ITPR1: variants seen among roughly 807,000 people sequenced by gnomAD.
ITPR1 encodes the protein inositol 1,4,5-trisphosphate receptor type 1.
Under a neutral mutation model 318.4 loss-of-function variants are expected in ITPR1, and 96 were observed. That is an observed-to-expected ratio of 0.30 (90% CI 0.26 to 0.36). The LOEUF is 0.36. Among genes scored for constraint, ITPR1 ranks in the 10% least tolerant of loss-of-function variants. The probability of loss-of-function intolerance (pLI) is 1.00; values close to 1 mark genes in which losing one functional copy is unlikely to be tolerated. For synonymous variants in ITPR1, 1,312 were observed against 1,289.9 expected (o/e 1.02, Z -0.37); for missense variants, 2,440 against 3,460.2 (o/e 0.71, Z 7.40).
intron 60 of ITPR1, among the ~76,000 whole-genome samples, chr3:4,827,694 T>A (rs1028678201): frequency 6.6e-6 from 1 of 152,112 alleles, no homozygotes; most frequent in Admixed American, 6.5e-5. Flanking sequence ...TAAGCAACAT[T>A]CAGAGTGCGG....
intron 60 of ITPR1, among the ~76,000 whole-genome samples, chr3:4,821,707 ACTT>A (rs1321368365): frequency 6.6e-6 from 1 of 152,188 alleles, no homozygotes; most frequent in Non-Finnish European, 1.5e-5. Context: ...TAGATCAGAT[ACTT>A]CACCTTTCCT....
chr3:4,564,381 G>T (rs1023450996), intron 4 of ITPR1, among the ~76,000 whole-genome samples: 14 of 152,162 alleles, frequency 9.2e-5, no homozygotes, highest in Non-Finnish European at 1.9e-4. Flanking sequence ...TCTTTGTACA[G>T]GTGTGGCCTT....
At chr3:4,542,758 C>G (rs2084585672) in intron 4 of ITPR1, among the ~76,000 whole-genome samples, 2 of 152,018 alleles carry the variant, frequency 1.3e-5, no homozygotes, top group South Asian at 4.1e-4. Context: ...GAGCTTTATC[C>G]CCTCTACCTG....
intron 60 of ITPR1, among the ~76,000 whole-genome samples, chr3:4,828,441 T>A (rs2050222047): frequency 6.6e-6 from 1 of 152,166 alleles, no homozygotes; most frequent in Admixed American, 6.5e-5. Context: ...TTGTTCTCTA[T>A]TCAGAGTCTC....
At chr3:4,705,641 C>T (rs2094741295) in intron 36 of ITPR1, among the ~76,000 whole-genome samples, 3 of 152,266 alleles carry the variant, frequency 2.0e-5, no homozygotes, top group South Asian at 4.1e-4. Flanking sequence ...TGATGTTTGT[C>T]TCATGCTTAG....
chr3:4,547,678 G>A (rs1168551845), intron 4 of ITPR1, among the ~76,000 whole-genome samples: 1 of 152,200 alleles, frequency 6.6e-6, no homozygotes, highest in Non-Finnish European at 1.5e-5. Context: ...TCTGTTAGGA[G>A]TCTCGTAGGC....
chr3:4,644,667 T>G (rs140585456), intron 8 of ITPR1, among the ~76,000 whole-genome samples: 107 of 152,328 alleles, frequency 7.0e-4, no homozygotes, highest in African/African-American at 2.6e-3. Context: ...TACATCTACT[T>G]CTCCTCTAAA....
chr3:4,786,509 C>G (rs1266606896), intron 51 of ITPR1, among the ~76,000 whole-genome samples: 1 of 152,200 alleles, frequency 6.6e-6, no homozygotes, highest in Non-Finnish European at 1.5e-5. Context: ...TTTGGGAGAG[C>G]TAGAACCAGC....
chr3:4,584,612 G>A (rs2089691449), intron 4 of ITPR1, among the ~76,000 whole-genome samples: 1 of 151,846 alleles, frequency 6.6e-6, no homozygotes, highest in Non-Finnish European at 1.5e-5. Flanking sequence ...TGGAGGGAGG[G>A]GGCCGAAGGA....
chr3:4,686,689 C>T (rs145004859), intron 30 of ITPR1, among the ~76,000 whole-genome samples: 10 of 152,282 alleles, frequency 6.6e-5, no homozygotes, highest in African/African-American at 1.7e-4. Flanking sequence ...TTCCAAAGAA[C>T]GGTGGAGGAA....
intron 4 of ITPR1, among the ~76,000 whole-genome samples, chr3:4,609,429 A>G (rs149897685): frequency 1.3e-5 from 2 of 152,202 alleles, no homozygotes; most frequent in East Asian, 3.9e-4. Flanking sequence ...GACGTTTTTG[A>G]GTAAGTCCTG....
At chr3:4,832,529 G>A (rs1024796733) in intron 60 of ITPR1, among the ~76,000 whole-genome samples, 2 of 152,140 alleles carry the variant, frequency 1.3e-5, no homozygotes, top group African/African-American at 2.4e-5. Context: ...TACTTAGGAA[G>A]CTGAGGCATG....
chr3:4,681,624 AGTGTGTGTGTGTGT>A lies in ITPR1; in HGVS notation c.3161+227_3161+240del. Among the ~76,000 whole-genome samples, 3 of 145,896 alleles carry A rather than the reference AGTGTGTGTGTGTGT, an allele frequency of 2.1e-5. 1 individual carries two copies. Among genetic ancestry groups the A allele is most frequent in the Non-Finnish European group, 4.5e-5 (3 of 66,496 alleles). On this transcript the variant is annotated intron_variant, in intron 26 of 61. Coordinates refer to ENST00000649015, the MANE Select transcript of ITPR1 (RefSeq NM_001378452.1). ...GAGAGTGAGAGAGAGAGAGAGAGAAAGTGTGTGTGTGTGTGTGTGTGTGTGTGTGTGTGTCCCAC... is the reference window on the plus strand; with the variant it reads ...GAGAGTGAGAGAGAGAGAGAGAGAAAGTGTGTGTGTGTGTGTGTGTCCCAC...
At chr3:4,668,607 A>G (rs7620485) in intron 18 of ITPR1, among the ~76,000 whole-genome samples, 34,666 of 152,028 alleles carry the variant, frequency 0.23, 4,372 homozygotes, top group Non-Finnish European at 0.3. Flanking sequence ...AGCTGCGACT[A>G]CAGGCACGTG....
At chr3:4,782,137 G>A (rs866587304) in intron 49 of ITPR1, among the ~76,000 whole-genome samples, 1 of 152,232 alleles carries the variant, frequency 6.6e-6, no homozygotes, top group Non-Finnish European at 1.5e-5. Context: ...GGAGTAGGCT[G>A]TTGGGGACTG....
In ITPR1 at chr3:4,544,860, C is replaced by T. The variant is rs562039261; in HGVS notation, c.163+23766C>T. ...CCAGACTGGAGTGCGTGTGGTGGTGCACTCACAGCCTACAGCCTTGACCTC... is the reference window on the plus strand; with the variant it reads ...CCAGACTGGAGTGCGTGTGGTGGTGTACTCACAGCCTACAGCCTTGACCTC... On this transcript the variant is annotated intron_variant, in intron 4 of 61. Transcript: ENST00000649015. 1.5e-3 allele frequency among the ~76,000 whole-genome samples: 233 copies of T among 152,314 alleles called. 2 individuals carry two copies. The highest frequency in any genetic ancestry group is 5.3e-3 in the African/African-American group (220 of 41,566).
In ITPR1 at chr3:4,735,370, G is replaced by C; in HGVS notation, c.5544+16G>C. 1 of 1,608,206 alleles carries C rather than the reference G, an allele frequency of 6.2e-7. No homozygotes were observed. Among genetic ancestry groups the C allele is most frequent in the Non-Finnish European group, 8.5e-7 (1 of 1,174,968 alleles). ...CACCATCCAGGTAGGAAGGCAGCTT[G>C]GCTACTGGTATGGCATCCCTGCTGA... On this transcript the variant is annotated intron_variant, in intron 44 of 61. Coordinates refer to ENST00000649015, the MANE Select transcript of ITPR1 (RefSeq NM_001378452.1).
intron 44 of ITPR1, among the ~76,000 whole-genome samples, chr3:4,745,042 CTCTT>C: frequency 1.5e-5 from 1 of 67,190 alleles, no homozygotes; most frequent in East Asian, 4.5e-4. Flanking sequence ...TCTTCTTTAT[CTCTT>C]TCTTTTCCTT....
intron 10 of ITPR1, among the ~76,000 whole-genome samples, chr3:4,650,634 TGTGTGTGTGTGCGC>T (rs1429619849): frequency 3.1e-4 from 44 of 142,852 alleles, no homozygotes; most frequent in Admixed American, 1.0e-3. Flanking sequence ...TGTGTGTGTG[TGTGTGTGTGTGCGC>T]GCGTCTGTCT....
Sources: allele counts gnomAD v4.1 joint callset (sites outside exome capture counted in the v4.1 genomes callset), GRCh38; gene constraint gnomAD v4.1.1; transcripts MANE v1.5; gene names NCBI Gene and HGNC (gene_info 2026-07-23, HGNC 2026-07-21).